Variants in INSR observed in about 807,000 individuals in gnomAD.
The protein encoded by INSR is IR.
In INSR, 67 loss-of-function variants were observed where a neutral mutation model predicts 142.6. The ratio of observed to expected loss-of-function variants is 0.47; its 90% CI spans 0.39 to 0.58. INSR has a LOEUF of 0.58. INSR is among the 20% of genes least tolerant of loss of function. The pLI is 0.00. For synonymous variants in INSR, 756 were observed against 743.1 expected, an observed-to-expected ratio of 1.02 and a Z score of -0.28; for missense variants, 1,248 against 1,833.2, an observed-to-expected ratio of 0.68 and a Z score of 5.83.
intron 2 of INSR, among the ~76,000 whole-genome samples, chr19:7,246,477 C>T (rs1453074428): frequency 3.3e-5 from 5 of 152,144 alleles, no homozygotes; most frequent in African/African-American, 7.2e-5. Flanking sequence ...ACCAGACAAC[C>T]CACTGGTTGA....
chr19:7,153,389 A>C (rs1973491292), intron 9 of INSR, among the ~76,000 whole-genome samples: 1 of 127,944 alleles, frequency 7.8e-6, no homozygotes, highest in East Asian at 2.4e-4. Context: ...TACACGCACC[A>C]CACACACACC....
intron 1 of INSR, among the ~76,000 whole-genome samples, chr19:7,268,959 T>C (rs1379998912): frequency 4.6e-5 from 7 of 151,668 alleles, no homozygotes; most frequent in Non-Finnish European, 1.5e-5. Flanking sequence ...TTCTCCTCCT[T>C]GTGTCCCTTA....
At chr19:7,266,774 C>A (rs886736021) in intron 2 of INSR, among the ~76,000 whole-genome samples, 1 of 152,064 alleles carries the variant, frequency 6.6e-6, no homozygotes, top group Non-Finnish European at 1.5e-5. Flanking sequence ...GAAGGAACAA[C>A]CCCCAATAAA....
At chr19:7,281,978 G>A (rs943974748) in intron 1 of INSR, among the ~76,000 whole-genome samples, 3 of 152,242 alleles carry the variant, frequency 2.0e-5, no homozygotes, top group South Asian at 2.1e-4. Context: ...CCACAAGTCC[G>A]CTTTGAACTC....
At chr19:7,218,054 G>A (rs1975489872) in intron 2 of INSR, among the ~76,000 whole-genome samples, 1 of 152,192 alleles carries the variant, frequency 6.6e-6, no homozygotes, top group Non-Finnish European at 1.5e-5. Flanking sequence ...GGAGATAGAA[G>A]AGTCCCTGCC....
At chr19:7,218,015 T>A (rs1314823189) in intron 2 of INSR, among the ~76,000 whole-genome samples, 1 of 152,178 alleles carries the variant, frequency 6.6e-6, no homozygotes, top group Non-Finnish European at 1.5e-5. Flanking sequence ...CCCAGAGCTG[T>A]CTCCACTGTG....
chr19:7,163,837 G>C (rs955698328), intron 8 of INSR, among the ~76,000 whole-genome samples: 10 of 148,294 alleles, frequency 6.7e-5, no homozygotes, highest in African/African-American at 2.2e-4. Flanking sequence ...CAGCACTTTA[G>C]AAGGCCGAGG....
intron 2 of INSR, among the ~76,000 whole-genome samples, chr19:7,200,340 G>T (rs1974918040): frequency 6.6e-6 from 1 of 152,066 alleles, no homozygotes; most frequent in Admixed American, 6.6e-5. Flanking sequence ...TTCCACCTTG[G>T]GCAACTGGAT....
At chr19:7,197,424 C>A (rs1974783626) in intron 2 of INSR, among the ~76,000 whole-genome samples, 1 of 152,150 alleles carries the variant, frequency 6.6e-6, no homozygotes. Context: ...AGGAGATATA[C>A]TGCGCACGCA....
chr19:7,123,352 A>G (rs981910403), intron 17 of INSR, among the ~76,000 whole-genome samples: 1 of 151,606 alleles, frequency 6.6e-6, no homozygotes, highest in Non-Finnish European at 1.5e-5. Context: ...TATTTTTAGT[A>G]GAGACAGGAT....
intron 11 of INSR, among the ~76,000 whole-genome samples, chr19:7,147,685 T>G (rs1360953480): frequency 6.6e-6 from 1 of 152,174 alleles, no homozygotes; most frequent in Admixed American, 6.6e-5. Flanking sequence ...GCTCCACCAC[T>G]TATCAAGCCA....
At chr19:7,160,932 G>A (rs1419231875) in intron 9 of INSR, among the ~76,000 whole-genome samples, 1 of 148,934 alleles carries the variant, frequency 6.7e-6, no homozygotes, top group Non-Finnish European at 1.5e-5. Flanking sequence ...GCAGGCGGAG[G>A]TTGCAGTGAG....
intron 1 of INSR, among the ~76,000 whole-genome samples, chr19:7,292,470 T>TGGGGGGGGGGGGGGG (rs755617421): frequency 2.0e-5 from 2 of 100,846 alleles, no homozygotes; most frequent in South Asian, 3.5e-4. Context: ...GGGGCGGGGC[T>TGGGGGGGGGGGGGGG]GGGGGGGGGT....
intron 4 of INSR, among the ~76,000 whole-genome samples, chr19:7,172,909 G>T (rs545038633): frequency 6.6e-6 from 1 of 151,346 alleles, no homozygotes; most frequent in South Asian, 2.1e-4. Flanking sequence ...ACCCCTGTTA[G>T]TCTCCATTTT....
In INSR at chr19:7,294,033, C is replaced by T. The variant is rs1968573694; in HGVS notation, c.-142G>A. On this transcript the variant is annotated 5_prime_UTR_variant, in exon 1 of 22. Transcript: ENST00000302850. ...CCCGCGACCCGCGGGCCGCAGCCCC[C>T]CTGCCGGGGAGGGCCCAGAGGCAGC... 1 of 955,782 alleles carries T rather than the reference C, an allele frequency of 1.0e-6. No individual in the cohort carries two copies. The allele number at this position is 955,782 out of a possible 1,614,324, so 59.2% of individuals were successfully genotyped here.
At chr19:7,158,944 C>T (rs1012506865) in intron 9 of INSR, among the ~76,000 whole-genome samples, 4 of 124,752 alleles carry the variant, frequency 3.2e-5, no homozygotes, top group African/African-American at 2.0e-4. Flanking sequence ...TGCTCTGTTG[C>T]CAGGCTGGAG....
chr19:7,154,918 C>G (rs566793130), intron 9 of INSR, among the ~76,000 whole-genome samples: 13 of 152,044 alleles, frequency 8.6e-5, no homozygotes, highest in African/African-American at 3.1e-4. Flanking sequence ...CAGCGAGACT[C>G]TGTCTCAAAA....
At chr19:7,261,475 A>T (rs1977060760) in intron 2 of INSR, among the ~76,000 whole-genome samples, 2 of 152,100 alleles carry the variant, frequency 1.3e-5, no homozygotes, top group African/African-American at 4.8e-5. Flanking sequence ...TGTCCAGGCT[A>T]TGGATCATTA....
In INSR at chr19:7,117,056, T is replaced by A. The variant is rs767486143; in HGVS notation, c.4149A>T (p.Ter1383TyrextTer59). 1 of 1,608,614 alleles carries A rather than the reference T, an allele frequency of 6.2e-7. No individual in the cohort carries two copies. The highest frequency in any genetic ancestry group is 8.5e-7 in the Non-Finnish European group (1 of 1,176,080). The part of the protein sequence containing the change: ...ILTLPRSNPS[*>Y] ...CCCGCCCCCGCCACGGTAGGCACTGTTAGGAAGGATTGGACCGAGGCAAGG... is the reference window on the plus strand; with the variant it reads ...CCCGCCCCCGCCACGGTAGGCACTGATAGGAAGGATTGGACCGAGGCAAGG... The change falls in exon 22 of 22, where the codon TAA (stop) becomes TAT (tyrosine). Residue 1383 changes from the stop codon to tyrosine (Y), a stop_lost. Coordinates refer to ENST00000302850, the MANE Select transcript of INSR (RefSeq NM_000208.4).
Sources: allele counts gnomAD v4.1 joint callset (sites outside exome capture counted in the v4.1 genomes callset), GRCh38; gene constraint gnomAD v4.1.1; transcripts MANE v1.5; gene names NCBI Gene and HGNC (gene_info 2026-07-23, HGNC 2026-07-21).